The following CPNE4 variants were observed in gnomAD, a reference collection of about 807,000 sequenced individuals.
CPNE4 encodes copine-4.
In CPNE4, 25 loss-of-function variants were observed where a neutral mutation model predicts 67.9. That is an observed-to-expected ratio of 0.37 (90% confidence interval 0.27 to 0.51). The LOEUF is 0.51. Among genes scored for constraint, CPNE4 ranks in the 20% least tolerant of loss-of-function variants. The pLI, the probability that CPNE4 is intolerant of heterozygous loss-of-function variation, is 0.93. For missense variants in CPNE4, 464 were observed against 690.8 expected, an observed-to-expected ratio of 0.67 and a Z score of 3.68; for synonymous variants, 242 against 244.9, an observed-to-expected ratio of 0.99 and a Z score of 0.11.
At chr3:131,578,550 A>T (rs1937611754) in intron 9 of CPNE4, among the ~76,000 whole-genome samples, 1 of 152,222 alleles carries the variant, frequency 6.6e-6, no homozygotes, top group Non-Finnish European at 1.5e-5. Flanking sequence ...AAACTTAGTG[A>T]GGAAGGCATG....
At chr3:131,740,773 C>G (rs2107778229) in intron 2 of CPNE4, among the ~76,000 whole-genome samples, 1 of 152,318 alleles carries the variant, frequency 6.6e-6, no homozygotes, top group Middle Eastern at 3.4e-3. Flanking sequence ...CGACAACTCC[C>G]CATTTCACTC....
At chr3:131,541,575 T>A (rs936560271) in intron 15 of CPNE4, among the ~76,000 whole-genome samples, 1 of 144,256 alleles carries the variant, frequency 6.9e-6, no homozygotes, top group Admixed American at 7.0e-5. Flanking sequence ...AAAGATTACT[T>A]TTTTTTTTTT....
At chr3:131,913,688 T>C (rs113493599) in intron 1 of CPNE4, among the ~76,000 whole-genome samples, 63 of 152,310 alleles carry the variant, frequency 4.1e-4, no homozygotes, top group African/African-American at 1.5e-3. Flanking sequence ...CTTGCCTTGG[T>C]CTCTCCTTCT....
Position 132,029,595 on chromosome 3 carries a change from A to G in CPNE4, c.-2+4972T>C, listed in dbSNP as rs543734897. On this transcript the variant is annotated intron_variant, in intron 1 of 15. Coordinates refer to ENST00000429747, the MANE Select transcript of CPNE4 (RefSeq NM_130808.3). Reference sequence around the variant, plus strand: ...CTGATTTTGCTCCTCCCCTACCTCAAGGTGCAATGAATTGCCCTACACTTG... The same window carrying G: ...CTGATTTTGCTCCTCCCCTACCTCAGGGTGCAATGAATTGCCCTACACTTG... Among the ~76,000 whole-genome samples the G allele has an allele frequency of 2.0e-5, 3 of 152,210 alleles. No individual in the cohort carries two copies. In the East Asian group the frequency reaches 5.8e-4, roughly 29 times the overall value.
At chr3:131,718,585 T>C (rs879847750) in intron 3 of CPNE4, among the ~76,000 whole-genome samples, 1 of 152,210 alleles carries the variant, frequency 6.6e-6, no homozygotes, top group Non-Finnish European at 1.5e-5. Context: ...TACTTATCCT[T>C]AGGGATTCAG....
chr3:131,907,098 ATGAAGAAATGCTCTCCATGT>A (rs1370391562), intron 1 of CPNE4, among the ~76,000 whole-genome samples: 6 of 152,136 alleles, frequency 3.9e-5, no homozygotes, highest in Admixed American at 2.0e-4. Context: ...CAAAAAACAC[ATGAAGAAATGCTCTCCATGT>A]GATATCCTTT....
intron 2 of CPNE4, among the ~76,000 whole-genome samples, chr3:131,733,660 T>C (rs2082175570): frequency 6.6e-6 from 1 of 152,118 alleles, no homozygotes. Flanking sequence ...TTGCAGTCAC[T>C]CGAACTTGCA....
At chr3:131,683,701 T>C (rs2080813681) in intron 6 of CPNE4, among the ~76,000 whole-genome samples, 1 of 152,108 alleles carries the variant, frequency 6.6e-6, no homozygotes, top group South Asian at 2.1e-4. Flanking sequence ...GCCCACTGGC[T>C]ATGAGTCCAG....
chr3:131,583,553 G>C (rs1040673746), intron 8 of CPNE4, among the ~76,000 whole-genome samples: 4 of 152,100 alleles, frequency 2.6e-5, no homozygotes, highest in Non-Finnish European at 4.4e-5. Context: ...TAAAGATTTT[G>C]AATTCTATTA....
chr3:131,670,188 A>G (rs2080373027), intron 6 of CPNE4, among the ~76,000 whole-genome samples: 1 of 152,186 alleles, frequency 6.6e-6, no homozygotes, highest in Admixed American at 6.5e-5. Flanking sequence ...GGTGAAGGGT[A>G]TAGCAAGACA....
At chr3:131,752,055 G>C (rs1012094392) in intron 2 of CPNE4, among the ~76,000 whole-genome samples, 3 of 152,044 alleles carry the variant, frequency 2.0e-5, no homozygotes, top group African/African-American at 7.2e-5. Flanking sequence ...CCAGCGACGT[G>C]GGGGAAGGAT....
intron 1 of CPNE4, among the ~76,000 whole-genome samples, chr3:132,025,864 C>A (rs998376914): frequency 1.3e-5 from 2 of 152,184 alleles, no homozygotes; most frequent in African/African-American, 4.8e-5. Context: ...TACCTACATA[C>A]AACACACAGA....
intron 2 of CPNE4, among the ~76,000 whole-genome samples, chr3:131,817,230 G>A (rs948107197): frequency 8.5e-5 from 13 of 152,120 alleles, no homozygotes; most frequent in Non-Finnish European, 1.0e-4. Context: ...GAGTGTAGCC[G>A]TGATGTGCAG....
At chr3:131,591,727 G>T (rs1465424333) in intron 7 of CPNE4, among the ~76,000 whole-genome samples, 3 of 152,188 alleles carry the variant, frequency 2.0e-5, no homozygotes, top group Admixed American at 6.5e-5. Context: ...CCCAAAGGAA[G>T]AAAGACACAG....
intron 1 of CPNE4, among the ~76,000 whole-genome samples, chr3:131,928,002 A>G (rs1362937019): frequency 6.6e-6 from 1 of 152,180 alleles, no homozygotes; most frequent in East Asian, 1.9e-4. Context: ...ATACACCACA[A>G]TGTTAATGTT....
At chr3:132,003,881 C>A (rs1016355567) in intron 1 of CPNE4, among the ~76,000 whole-genome samples, 1 of 152,090 alleles carries the variant, frequency 6.6e-6, no homozygotes, top group Non-Finnish European at 1.5e-5. Context: ...GATGCTGAAA[C>A]TTGCCGGCAT....
At chr3:131,928,095 G>A (rs1034677899) in intron 1 of CPNE4, among the ~76,000 whole-genome samples, 1 of 152,030 alleles carries the variant, frequency 6.6e-6, no homozygotes, top group African/African-American at 2.4e-5. Context: ...TGTAAATAAA[G>A]TTTTCTAGGT....
chr3:131,541,346 G>T (rs907946879), intron 15 of CPNE4, among the ~76,000 whole-genome samples: 1 of 152,100 alleles, frequency 6.6e-6, no homozygotes, highest in African/African-American at 2.4e-5. Context: ...TGGACACAAT[G>T]TATCAAAACC....
intron 2 of CPNE4, among the ~76,000 whole-genome samples, chr3:131,814,390 A>G (rs2084648435): frequency 6.6e-6 from 1 of 151,942 alleles, no homozygotes; most frequent in African/African-American, 2.4e-5. Flanking sequence ...GAAGTGATTC[A>G]TTACTCATAA....
Sources: gnomAD v4.1 joint callset for allele counts (sites outside exome capture counted in the v4.1 genomes callset) on GRCh38, gnomAD v4.1.1 for gene constraint, MANE v1.5 for transcripts, NCBI Gene and HGNC (gene_info 2026-07-23, HGNC 2026-07-21) for gene names.